The following SLC2A14 variants were observed in gnomAD, a reference collection of about 807,000 sequenced individuals.
SLC2A14 encodes the protein solute carrier family 2 member 14.
In SLC2A14, 13 loss-of-function variants were observed where a neutral mutation model predicts 43.0. The observed-to-expected ratio is 0.30, with a 90% CI of 0.20 to 0.48. The LOEUF (loss-of-function observed/expected upper bound fraction) is 0.48. SLC2A14 is among the 20% of genes least tolerant of loss of function. The pLI is 0.99. For synonymous variants in SLC2A14, 190 were observed against 233.8 expected, an observed-to-expected ratio of 0.81 and a Z score of 1.71; for missense variants, 428 against 620.4, an observed-to-expected ratio of 0.69 and a Z score of 3.29.
chr12:7,867,034 C>T (rs1944949443), intron 2 of SLC2A14, among the ~76,000 whole-genome samples: 1 of 151,396 alleles, frequency 6.6e-6, no homozygotes, highest in Non-Finnish European at 1.5e-5. Flanking sequence ...AATCCCAGCA[C>T]TTTGGGAGGC....
chr12:7,859,334 G>A (rs1320520218), intron 2 of SLC2A14, among the ~76,000 whole-genome samples: 1 of 152,100 alleles, frequency 6.6e-6, no homozygotes, highest in African/African-American at 2.4e-5. Context: ...TGGTTGCGAT[G>A]AGCCAAGATG....
intron 2 of SLC2A14, chr12:7,863,271 A>G: frequency 4.9e-6 from 2 of 404,460 alleles, no homozygotes; most frequent in South Asian, 3.5e-5. Flanking sequence ...CTGAGCCAGC[A>G]AGACCACGAA....
At chr12:7,822,096 T>C (rs1379987935) in intron 7 of SLC2A14, among the ~76,000 whole-genome samples, 1 of 151,824 alleles carries the variant, frequency 6.6e-6, no homozygotes, top group African/African-American at 2.4e-5. Context: ...AGTGCTGGGA[T>C]TACAGGCGTG....
At chr12:7,834,005 G>A (rs1452054226) in intron 2 of SLC2A14, among the ~76,000 whole-genome samples, 1 of 151,860 alleles carries the variant, frequency 6.6e-6, no homozygotes, top group Non-Finnish European at 1.5e-5. Context: ...AGGTCAGACA[G>A]GGTAGACCAC....
At chr12:7,850,792 G>T (rs1866872627) in intron 2 of SLC2A14, 1 of 152,330 alleles carries the variant, frequency 6.6e-6, no homozygotes, top group East Asian at 1.9e-4. Flanking sequence ...TCAGTTGGTT[G>T]TAAGGACCAC....
At chr12:7,851,367 T>C (rs1479488979) in intron 2 of SLC2A14, among the ~76,000 whole-genome samples, 1 of 152,158 alleles carries the variant, frequency 6.6e-6, no homozygotes, top group East Asian at 1.9e-4. Context: ...AAAAATTATA[T>C]AAATATTTCA....
rs1945570197 is a variant in SLC2A14, at chr12:7,881,427, C to CCAG, written c.132+9566_132+9568dup. Among the ~76,000 whole-genome samples, 11 of 152,132 alleles carry CCAG rather than the reference C, an allele frequency of 7.2e-5. No homozygotes were observed. In the South Asian group the frequency reaches 2.3e-3, roughly 32 times the overall value. On this transcript the variant is annotated intron_variant, in intron 1 of 9. Transcript: ENST00000539924. ...GGCAATGAGGGATTTAGCACCTGGG[C>CCAG]CAGCGGCTGCGGAGGGTGTGCTGGG...
rs374641019 is a variant in SLC2A14, at chr12:7,831,679, A to G, written c.197T>C (p.Leu66Ser). ...CCCGACGGAAAATATGGCCACAGAC[A>G]AGGACCAGAGATTCGTGAGCAGCAC... ...SEVLLTNLWS[L>S]SVAIFSVGGM... The change falls in exon 4 of 11, where the codon TTG becomes TCG. Residue 66 changes from leucine to serine, a missense_variant. By Grantham distance (145) the Leu-to-Ser change is moderately radical. Around this residue, in one of 4 missense-constraint regions of SLC2A14, gnomAD observed 122 missense variants for 128.8 expected, o/e 0.95. Coordinates refer to ENST00000431042, the MANE Select transcript of SLC2A14 (RefSeq NM_001286234.2). 9.3e-6 allele frequency: 15 copies of G among 1,614,114 alleles called. No individual in the cohort carries two copies. The highest frequency in any genetic ancestry group is 1.3e-5 in the Non-Finnish European group (15 of 1,180,054).
At chr12:7,821,096 A>T (rs1863872792) in intron 8 of SLC2A14, 125 bp downstream of exon 8, 18 of 719,348 alleles carry the variant, frequency 2.5e-5, no homozygotes, top group South Asian at 1.5e-4. Context: ...CAAAAAATTT[A>T]AAAAAATAAA....
intron 2 of SLC2A14, among the ~76,000 whole-genome samples, chr12:7,835,688 T>G (rs922222191): frequency 6.6e-6 from 1 of 152,156 alleles, no homozygotes; most frequent in Non-Finnish European, 1.5e-5. Flanking sequence ...TTTAAACGCA[T>G]TGAGGTAAAG....
rs1226924211 is a variant in SLC2A14 at position 7,819,488 on chromosome 12, T to G, written c.1065A>C (p.Leu355Phe). 1.2e-6 allele frequency: 2 copies of G among 1,612,614 alleles called. No individual in the cohort carries two copies. Among genetic ancestry groups the G allele is most frequent in the Non-Finnish European group, 1.7e-6 (2 of 1,179,330 alleles). The change falls in exon 9 of 11, where the codon TTA (leucine) becomes TTC (phenylalanine). Residue 355 changes from leucine to phenylalanine, a missense_variant. Physicochemically the swap from Leu to Phe is conservative, Grantham distance 22. Around this residue, in one of 4 missense-constraint regions of SLC2A14, gnomAD observed 119 missense variants for 188.7 expected, o/e 0.63. Coordinates refer to ENST00000431042, the MANE Select transcript of SLC2A14 (RefSeq NM_001286234.2). ...TCACCCAAAGAGCACTTACCTTTAA[T>G]AACAAAGAAACAGTCATGAGCGTGG... ...FCSTLMTVSL[L>F]LKNHYNGMSF...
chr12:7,860,615 T>C (rs1944496376), intron 2 of SLC2A14: 1 of 152,352 alleles, frequency 6.6e-6, no homozygotes, highest in Non-Finnish European at 1.5e-5. Flanking sequence ...CAAGACTCCA[T>C]AAATCACTGC....
intron 2 of SLC2A14, among the ~76,000 whole-genome samples, chr12:7,856,873 T>C (rs1944278230): frequency 6.6e-6 from 1 of 151,386 alleles, no homozygotes; most frequent in Non-Finnish European, 1.5e-5. Context: ...AGTCTCGCCC[T>C]GTCGCTCAGG....
intron 1 of SLC2A14, among the ~76,000 whole-genome samples, chr12:7,880,690 CAAA>C (rs753621437): frequency 0.39 from 24,734 of 63,812 alleles, 2,843 homozygotes; most frequent in Non-Finnish European, 0.41. Context: ...AGCTGGGTCT[CAAA>C]AAAAAAAAAA....
chr12:7,814,145 T>C lies in SLC2A14; in HGVS notation c.*171A>G, dbSNP rs932449809. On this transcript the variant is annotated 3_prime_UTR_variant, in exon 11 of 11. Transcript: ENST00000431042. ...CCAGGAAATAAAATTTAAAAAGCCA[T>C]TGAAGATCCAACAAACTGCAGCCTT... 39 of 1,215,158 alleles carry C rather than the reference T, an allele frequency of 3.2e-5. No individual in the cohort carries two copies. The South Asian group carries it at 4.0e-4, about 13-fold the overall frequency. 75.3% of individuals were successfully genotyped at this position (1,215,158 alleles called of 1,614,324 possible). A position where few individuals can be genotyped will look rare whatever the true frequency, so the allele number is the denominator to read the frequency against.
intron 2 of SLC2A14, among the ~76,000 whole-genome samples, chr12:7,866,872 A>ACT (rs1378314162): frequency 6.6e-6 from 1 of 152,186 alleles, no homozygotes; most frequent in Non-Finnish European, 1.5e-5. Context: ...AAGTGGCAAC[A>ACT]CTATACAACA....
At chr12:7,872,701 C>T (rs1218134459) in intron 1 of SLC2A14, 106 bp downstream of exon 1, 1 of 881,034 alleles carries the variant, frequency 1.1e-6, no homozygotes, top group Admixed American at 6.2e-5. Flanking sequence ...TAGCCCGGCC[C>T]ACCTCCGAGT....
upstream of SLC2A14, chr12:7,873,298 C>A (rs1945340800): frequency 4.1e-6 from 4 of 985,434 alleles, no homozygotes; most frequent in South Asian, 9.4e-5. Flanking sequence ...CCGGGCTATC[C>A]CCGCGGGCGG....
At chr12:7,882,412 G>A (rs1427356427) in intron 1 of SLC2A14, among the ~76,000 whole-genome samples, 1 of 152,062 alleles carries the variant, frequency 6.6e-6, no homozygotes, top group Admixed American at 6.6e-5. Context: ...AACACTAACC[G>A]CGAGGGTCCA....
Sources: gnomAD v4.1 joint callset for allele counts (sites outside exome capture counted in the v4.1 genomes callset) on GRCh38, gnomAD v4.1.1 for gene constraint, gnomAD v4.1.1 regional missense constraint, MANE v1.5 for transcripts, NCBI Gene and HGNC (gene_info 2026-07-23, HGNC 2026-07-21) for gene names.